HIVEP1: variants seen among roughly 807,000 people sequenced by gnomAD.
The protein encoded by HIVEP1 is zinc finger protein 40.
HIVEP1 carries 36 observed loss-of-function variants against 180.0 expected under a neutral mutation model. That is an observed-to-expected ratio of 0.20 (90% CI 0.15 to 0.26). The LOEUF (loss-of-function observed/expected upper bound fraction) is 0.26, where lower values mean the gene tolerates loss of function less well. Among genes scored for constraint, HIVEP1 ranks in the 10% least tolerant of loss-of-function variants. HIVEP1 has a pLI of 1.00. For missense variants in HIVEP1, 3,143 were observed against 3,268.7 expected, an observed-to-expected ratio of 0.96 and a Z score of 0.94; for synonymous variants, 1,239 against 1,239.0, an observed-to-expected ratio of 1.00 and a Z score of 0.00.
intron 3 of HIVEP1, among the ~76,000 whole-genome samples, chr6:12,105,982 GTACATATA>G (rs1182326481): frequency 6.0e-5 from 9 of 150,354 alleles, no homozygotes; most frequent in African/African-American, 2.0e-4. Context: ...CATTTACTAA[GTACATATA>G]TACATATATA....
intron 1 of HIVEP1, among the ~76,000 whole-genome samples, chr6:12,014,647 G>C (rs1034462449): frequency 6.6e-6 from 1 of 152,194 alleles, no homozygotes; most frequent in Admixed American, 6.5e-5. Context: ...TCAGCTTTAA[G>C]ATCCTTGAGA....
At chr6:12,130,399 G>A (rs1055243413) in intron 5 of HIVEP1, among the ~76,000 whole-genome samples, 6 of 152,138 alleles carry the variant, frequency 3.9e-5, no homozygotes, top group African/African-American at 9.7e-5. Flanking sequence ...GTAGTGCAGC[G>A]CAGTGGTGCG....
the HIVEP1 span, among the ~76,000 whole-genome samples, chr6:12,191,715 A>G: frequency 5.3e-3 from 807 of 152,354 alleles, 9 homozygotes; most frequent in African/African-American, 0.018. Flanking sequence ...AATCCAATAC[A>G]CGGTGTAGTT....
At chr6:12,067,140 G>A (rs979071526) in intron 2 of HIVEP1, among the ~76,000 whole-genome samples, 1 of 151,982 alleles carries the variant, frequency 6.6e-6, no homozygotes, top group Non-Finnish European at 1.5e-5. Flanking sequence ...TTAGTGTTAG[G>A]GATAGGGTTA....
chr6:12,131,265 G>C (rs1295218788), intron 6 of HIVEP1, among the ~76,000 whole-genome samples: 2 of 151,610 alleles, frequency 1.3e-5, no homozygotes, highest in African/African-American at 4.8e-5. Context: ...ATTTAATTTG[G>C]GGCTGAAGAA....
Position 12,109,666 on chromosome 6 carries a change from C to T in HIVEP1, c.95-10224C>T, listed in dbSNP as rs74420903. ...TCTCTTGCTGTTTCCACCACATCTG[C>T]GGGGACTTCCTCCACTGAAGTCTTG... On this transcript the variant is annotated intron_variant, in intron 3 of 8. Transcript: ENST00000379388. 4.6e-5 allele frequency among the ~76,000 whole-genome samples: 7 copies of T among 152,324 alleles called. No homozygotes were observed. In the East Asian group the frequency reaches 1.2e-3, roughly 25 times the overall value.
chr6:12,203,007 T>A, the HIVEP1 span, among the ~76,000 whole-genome samples: 9 of 152,328 alleles, frequency 5.9e-5, 1 homozygote, highest in South Asian at 1.4e-3. Context: ...CTTTCTAGAT[T>A]CCAAAAAAGG....
chr6:12,159,020 A>G (rs1439757076), intron 7 of HIVEP1, among the ~76,000 whole-genome samples: 1 of 150,004 alleles, frequency 6.7e-6, no homozygotes, highest in Non-Finnish European at 1.5e-5. Flanking sequence ...TTGGCAGCCC[A>G]CTCTTGACTC....
intron 2 of HIVEP1, among the ~76,000 whole-genome samples, chr6:12,049,226 A>G (rs1259237515): frequency 6.6e-6 from 1 of 152,224 alleles, no homozygotes; most frequent in African/African-American, 2.4e-5. Context: ...GCTTGAGATT[A>G]ATGACATTTC....
the HIVEP1 span, among the ~76,000 whole-genome samples, chr6:12,177,746 A>ATAAAATT: frequency 6.6e-6 from 1 of 152,186 alleles, no homozygotes; most frequent in South Asian, 2.1e-4. Flanking sequence ...AAGCTAGATA[A>ATAAAATT]GTGATAGGGG....
intron 5 of HIVEP1, 86 bp downstream of exon 5, chr6:12,129,978 C>T: frequency 1.2e-6 from 1 of 866,516 alleles, no homozygotes; most frequent in Admixed American, 2.4e-5. Flanking sequence ...AGACTTAGTG[C>T]CAATTTAGTA....
At chr6:12,193,934 A>C in the HIVEP1 span, among the ~76,000 whole-genome samples, 1,113 of 152,334 alleles carry the variant, frequency 7.3e-3, 54 homozygotes, top group Admixed American at 0.064. Context: ...AGAAACAATT[A>C]ATTCAATATT....
intron 2 of HIVEP1, among the ~76,000 whole-genome samples, chr6:12,037,184 C>G (rs1299797197): frequency 6.6e-6 from 1 of 152,026 alleles, no homozygotes; most frequent in Non-Finnish European, 1.5e-5. Flanking sequence ...GGGTGTATAT[C>G]GTATTTTGGT....
At chr6:12,043,362 T>TC in intron 2 of HIVEP1, among the ~76,000 whole-genome samples, 1 of 146,290 alleles carries the variant, frequency 6.8e-6, no homozygotes, top group East Asian at 2.0e-4. Context: ...AAAATTTTTT[T>TC]TTTTTTTTTT....
chr6:12,049,733 A>C (rs1198125230), intron 2 of HIVEP1, among the ~76,000 whole-genome samples: 5 of 152,272 alleles, frequency 3.3e-5, no homozygotes, highest in Non-Finnish European at 7.3e-5. Flanking sequence ...ATTTCCACTA[A>C]TAAGCTTATA....
chr6:12,042,131 C>G (rs1215963942), intron 2 of HIVEP1, among the ~76,000 whole-genome samples: 57 of 146,194 alleles, frequency 3.9e-4, no homozygotes, highest in Non-Finnish European at 5.1e-4. Context: ...GGACTGCGGA[C>G]TGCAGTGGCG....
intron 2 of HIVEP1, among the ~76,000 whole-genome samples, chr6:12,019,047 C>T (rs1214598583): frequency 6.6e-6 from 1 of 152,114 alleles, no homozygotes; most frequent in Non-Finnish European, 1.5e-5. Flanking sequence ...AGTTGTTTGA[C>T]TAAGGTAGTT....
intron 2 of HIVEP1, among the ~76,000 whole-genome samples, chr6:12,052,339 A>G (rs1378956694): frequency 1.3e-5 from 2 of 152,220 alleles, no homozygotes. Context: ...GCATGATGGA[A>G]TATCTGAGGG....
At chr6:12,062,831 G>A (rs1212815477) in intron 2 of HIVEP1, among the ~76,000 whole-genome samples, 5 of 152,188 alleles carry the variant, frequency 3.3e-5, no homozygotes, top group Admixed American at 1.3e-4. Flanking sequence ...GTCATTTTGC[G>A]TATTGAAAGT....
Sources: allele counts gnomAD v4.1 joint callset (sites outside exome capture counted in the v4.1 genomes callset), GRCh38; gene constraint gnomAD v4.1.1; transcripts MANE v1.5; gene names NCBI Gene and HGNC (gene_info 2026-07-23, HGNC 2026-07-21).